The following HS6ST3 variants were observed in gnomAD, a reference collection of about 807,000 sequenced individuals.
The protein encoded by HS6ST3 is heparan sulfate 6-O-sulfotransferase 3.
Under a neutral mutation model 36.7 loss-of-function variants are expected in HS6ST3, and 12 were observed. The observed-to-expected ratio is 0.33, with a 90% CI of 0.21 to 0.53. The LOEUF (loss-of-function observed/expected upper bound fraction) is 0.53, where lower values mean the gene tolerates loss of function less well. HS6ST3 is among the 20% of genes least tolerant of loss of function. HS6ST3 has a pLI of 0.95. For missense variants in HS6ST3, 584 were observed against 640.9 expected, an observed-to-expected ratio of 0.91 and a Z score of 0.96; for synonymous variants, 240 against 257.5, an observed-to-expected ratio of 0.93 and a Z score of 0.65.
At chr13:96,792,805 T>C (rs1364857583) in intron 1 of HS6ST3, among the ~76,000 whole-genome samples, 2 of 151,988 alleles carry the variant, frequency 1.3e-5, no homozygotes, top group African/African-American at 4.8e-5. Context: ...ACTAGAAAAT[T>C]TTGATTCTGC....
intron 1 of HS6ST3, among the ~76,000 whole-genome samples, chr13:96,330,985 G>T (rs1221919567): frequency 1.3e-5 from 2 of 151,896 alleles, no homozygotes; most frequent in Admixed American, 6.6e-5. Context: ...CGGCTCCTGA[G>T]GCTTCTGCAT....
At chr13:96,387,654 G>A (rs978723945) in intron 1 of HS6ST3, among the ~76,000 whole-genome samples, 3 of 152,112 alleles carry the variant, frequency 2.0e-5, no homozygotes, top group African/African-American at 7.2e-5. Context: ...TATACTGGGG[G>A]AAAATGTGTT....
chr13:96,596,275 T>G (rs2056401176), intron 1 of HS6ST3, among the ~76,000 whole-genome samples: 1 of 152,184 alleles, frequency 6.6e-6, no homozygotes, highest in Non-Finnish European at 1.5e-5. Flanking sequence ...AAAGACATTA[T>G]TTTGGTTTTT....
intron 1 of HS6ST3, among the ~76,000 whole-genome samples, chr13:96,758,220 T>C (rs563341481): frequency 2.0e-5 from 3 of 151,978 alleles, no homozygotes; most frequent in Non-Finnish European, 4.4e-5. Flanking sequence ...TCAATTATTT[T>C]GCAATAAAGT....
chr13:96,279,765 A>G (rs2054766247), intron 1 of HS6ST3, among the ~76,000 whole-genome samples: 1 of 152,168 alleles, frequency 6.6e-6, no homozygotes, highest in African/African-American at 2.4e-5. Context: ...ATTAGCATTC[A>G]GTCAACCTGC....
intron 1 of HS6ST3, among the ~76,000 whole-genome samples, chr13:96,260,595 G>A (rs2054661007): frequency 6.6e-6 from 1 of 151,320 alleles, no homozygotes; most frequent in Admixed American, 6.6e-5. Flanking sequence ...TGGGATTACA[G>A]GCAGGAGCCA....
chr13:96,623,537 G>A (rs886774526), intron 1 of HS6ST3, among the ~76,000 whole-genome samples: 1 of 152,008 alleles, frequency 6.6e-6, no homozygotes, highest in Non-Finnish European at 1.5e-5. Flanking sequence ...TCTTGTTCAC[G>A]TTCAACCAAC....
At chr13:96,239,693 A>G (rs1274551043) in intron 1 of HS6ST3, among the ~76,000 whole-genome samples, 2 of 152,250 alleles carry the variant, frequency 1.3e-5, no homozygotes, top group Non-Finnish European at 2.9e-5. Flanking sequence ...TTTATATATA[A>G]AAGGCAAGGC....
intron 1 of HS6ST3, among the ~76,000 whole-genome samples, chr13:96,782,236 G>C (rs534147859): frequency 6.6e-6 from 1 of 152,140 alleles, no homozygotes; most frequent in Non-Finnish European, 1.5e-5. Flanking sequence ...AGCAAAGAAG[G>C]CTGCTGAATT....
intron 1 of HS6ST3, among the ~76,000 whole-genome samples, chr13:96,368,906 C>A (rs1449991454): frequency 6.6e-6 from 1 of 152,118 alleles, no homozygotes; most frequent in Non-Finnish European, 1.5e-5. Flanking sequence ...TTCCTAATCC[C>A]TCTTTCTTTG....
chr13:96,289,775 G>A (rs967070251), intron 1 of HS6ST3, among the ~76,000 whole-genome samples: 7 of 152,098 alleles, frequency 4.6e-5, no homozygotes, highest in Admixed American at 1.3e-4. Flanking sequence ...TAGCTTGAGA[G>A]GATACTTTTG....
At chr13:96,405,594 T>G (rs190804342) in intron 1 of HS6ST3, among the ~76,000 whole-genome samples, 30 of 152,286 alleles carry the variant, frequency 2.0e-4, no homozygotes, top group Admixed American at 1.8e-3. Context: ...CTTGATAGAG[T>G]GCTACAAACA....
At chr13:96,605,945 A>G (rs1478576408) in intron 1 of HS6ST3, among the ~76,000 whole-genome samples, 1 of 152,190 alleles carries the variant, frequency 6.6e-6, no homozygotes, top group African/African-American at 2.4e-5. Flanking sequence ...AAAAGAAGAT[A>G]TACAAGCAGC....
At chr13:96,689,263 T>C (rs1284910941) in intron 1 of HS6ST3, among the ~76,000 whole-genome samples, 1 of 152,032 alleles carries the variant, frequency 6.6e-6, no homozygotes, top group African/African-American at 2.4e-5. Flanking sequence ...ATTAGGGTCC[T>C]GAAAGGCAGG....
At chr13:96,832,267 G>C (rs961956564) in intron 1 of HS6ST3, among the ~76,000 whole-genome samples, 2 of 152,126 alleles carry the variant, frequency 1.3e-5, no homozygotes, top group Non-Finnish European at 2.9e-5. Flanking sequence ...CCCCACACTG[G>C]AGCAAGGAGG....
intron 1 of HS6ST3, among the ~76,000 whole-genome samples, chr13:96,703,814 C>T (rs768304297): frequency 2.2e-4 from 34 of 152,220 alleles, no homozygotes; most frequent in Non-Finnish European, 4.4e-4. Flanking sequence ...AGGGAGGGAC[C>T]TGGTAGGAGG....
chr13:96,130,270 A>G (rs958743425), intron 1 of HS6ST3, among the ~76,000 whole-genome samples: 2 of 152,132 alleles, frequency 1.3e-5, no homozygotes, highest in African/African-American at 4.8e-5. Context: ...TTGAAAGGGC[A>G]TGCGTGTGGT....
At chr13:96,249,761 C>T (rs929165167) in intron 1 of HS6ST3, among the ~76,000 whole-genome samples, 3 of 151,908 alleles carry the variant, frequency 2.0e-5, no homozygotes, top group Non-Finnish European at 2.9e-5. Context: ...TATTACTCAG[C>T]CTTAAAAAGG....
intron 1 of HS6ST3, among the ~76,000 whole-genome samples, chr13:96,383,222 C>T (rs2055350311): frequency 6.6e-6 from 1 of 152,066 alleles, no homozygotes. Flanking sequence ...GAGGCCAAGG[C>T]AGGTGGATTG....
Sources: gnomAD v4.1 joint callset for allele counts (sites outside exome capture counted in the v4.1 genomes callset) on GRCh38, gnomAD v4.1.1 for gene constraint, MANE v1.5 for transcripts, NCBI Gene and HGNC (gene_info 2026-07-23, HGNC 2026-07-21) for gene names.